NRXN3: variants seen among roughly 807,000 people sequenced by gnomAD.
NRXN3 encodes the protein neurexin III.
A neutral mutation model predicts 137.6 loss-of-function variants in NRXN3; 32 were observed. That is an observed-to-expected ratio of 0.23 (90% CI 0.18 to 0.31). The LOEUF (loss-of-function observed/expected upper bound fraction) is 0.31, where lower values mean the gene tolerates loss of function less well. Ranked by LOEUF, NRXN3 falls within the 10% of genes least tolerant of loss-of-function variation. The pLI is 1.00. For synonymous variants in NRXN3, 798 were observed against 784.5 expected, an observed-to-expected ratio of 1.02 and a Z score of -0.29; for missense variants, 1,574 against 2,062.5, an observed-to-expected ratio of 0.76 and a Z score of 4.59.
intron 8 of NRXN3, among the ~76,000 whole-genome samples, chr14:78,787,457 A>G (rs2098792473): frequency 6.6e-6 from 1 of 152,204 alleles, no homozygotes; most frequent in African/African-American, 2.4e-5. Flanking sequence ...AATCAGCTCA[A>G]TGACGTTGTG....
intron 14 of NRXN3, among the ~76,000 whole-genome samples, chr14:78,973,099 A>T (rs1598086622): frequency 6.6e-6 from 1 of 152,208 alleles, no homozygotes; most frequent in Non-Finnish European, 1.5e-5. Context: ...AAAAATAGCT[A>T]TCAAGAGGAG....
intron 15 of NRXN3, among the ~76,000 whole-genome samples, chr14:79,340,622 C>T (rs1013925227): frequency 5.9e-5 from 9 of 152,190 alleles, no homozygotes; most frequent in South Asian, 2.1e-4. Flanking sequence ...TGCACCACCA[C>T]GCCCGGCTAA....
At chr14:79,072,221 A>G (rs2099688772) in intron 15 of NRXN3, 2 of 152,190 alleles carry the variant, frequency 1.3e-5, no homozygotes, top group African/African-American at 2.4e-5. Context: ...ATGAATGTGT[A>G]TGAAACCGGT....
intron 4 of NRXN3, among the ~76,000 whole-genome samples, chr14:78,543,843 G>A (rs2096614171): frequency 1.3e-5 from 2 of 152,100 alleles, no homozygotes; most frequent in South Asian, 4.1e-4. Flanking sequence ...TCAGGGTAGA[G>A]TAAAACAACA....
chr14:79,013,833 A>C (rs887898454), intron 15 of NRXN3, among the ~76,000 whole-genome samples: 1 of 152,204 alleles, frequency 6.6e-6, no homozygotes, highest in Non-Finnish European at 1.5e-5. Flanking sequence ...TTCATTTATG[A>C]GTTTGTTCAT....
chr14:79,465,622 C>T (rs761615778), intron 15 of NRXN3, among the ~76,000 whole-genome samples: 4 of 152,166 alleles, frequency 2.6e-5, no homozygotes, highest in Non-Finnish European at 4.4e-5. Flanking sequence ...GAATAACTCA[C>T]TTCTTCTTTG....
intron 15 of NRXN3, among the ~76,000 whole-genome samples, chr14:79,046,416 C>T (rs1311599229): frequency 4.6e-5 from 7 of 152,194 alleles, no homozygotes; most frequent in African/African-American, 1.7e-4. Flanking sequence ...ATGCTTGTGG[C>T]TTAAAGATTA....
chr14:79,492,263 T>G (rs187871234), intron 16 of NRXN3, among the ~76,000 whole-genome samples: 2 of 152,322 alleles, frequency 1.3e-5, no homozygotes, highest in African/African-American at 4.8e-5. Flanking sequence ...CATAATTATA[T>G]GTATCAGTAA....
chr14:78,824,023 A>C (rs567054981), intron 10 of NRXN3, among the ~76,000 whole-genome samples: 1 of 151,838 alleles, frequency 6.6e-6, no homozygotes, highest in East Asian at 1.9e-4. Context: ...TGTCACATCA[A>C]TACTGTAAAG....
chr14:78,273,380 C>T lies in NRXN3; in HGVS notation c.710-5265C>T, dbSNP rs2073088465. The stretch of plus-strand genomic sequence containing the variant: ...AACAGTGCCTAGCACATAGACAGCC[C>T]TCAGTCAATGTCAGCTGGTGATTTT... On this transcript the variant is annotated intron_variant, in intron 2 of 20. Coordinates refer to ENST00000335750, the MANE Select transcript of NRXN3 (RefSeq NM_001330195.2). 2.0e-5 allele frequency among the ~76,000 whole-genome samples: 3 copies of T among 152,320 alleles called. No individual in the cohort carries two copies. In the South Asian group the frequency reaches 6.2e-4, roughly 32 times the overall value.
chr14:79,547,057 C>A (rs2097327568), intron 16 of NRXN3, among the ~76,000 whole-genome samples: 1 of 152,156 alleles, frequency 6.6e-6, no homozygotes, highest in Non-Finnish European at 1.5e-5. Context: ...CCCATGTATT[C>A]ATTCATCAGT....
chr14:78,807,511 G>T (rs564313682), intron 9 of NRXN3, among the ~76,000 whole-genome samples: 1 of 151,946 alleles, frequency 6.6e-6, no homozygotes, highest in Non-Finnish European at 1.5e-5. Context: ...TTGGGAGGCC[G>T]AGGCAGCCCA....
At chr14:78,561,253 G>T (rs561350319) in intron 4 of NRXN3, among the ~76,000 whole-genome samples, 2 of 152,096 alleles carry the variant, frequency 1.3e-5, no homozygotes, top group African/African-American at 2.4e-5. Flanking sequence ...GCCAAAGCAG[G>T]TCACATGATC....
chr14:78,442,077 C>G (rs1310283986), intron 4 of NRXN3, among the ~76,000 whole-genome samples: 1 of 142,640 alleles, frequency 7.0e-6, no homozygotes, highest in Non-Finnish European at 1.5e-5. Flanking sequence ...TCCTGCGTGA[C>G]AGAGCGAGAC....
intron 14 of NRXN3, among the ~76,000 whole-genome samples, chr14:78,981,210 G>C (rs775128607): frequency 6.6e-6 from 1 of 152,162 alleles, no homozygotes; most frequent in Non-Finnish European, 1.5e-5. Context: ...CTGTTTAACT[G>C]AATTGAAATG....
intron 15 of NRXN3, among the ~76,000 whole-genome samples, chr14:79,459,088 G>T (rs536999676): frequency 2.0e-5 from 3 of 151,962 alleles, no homozygotes; most frequent in African/African-American, 4.8e-5. Flanking sequence ...ATAATGAAAA[G>T]AATGTAGATT....
chr14:79,284,274 G>C (rs1434545318), intron 15 of NRXN3, among the ~76,000 whole-genome samples: 2 of 145,436 alleles, frequency 1.4e-5, no homozygotes, highest in Non-Finnish European at 3.0e-5. Context: ...GAGGTGGGGG[G>C]ATCACCTGAG....
rs938076542 is a variant in NRXN3, at chr14:78,488,740, AAGG to A, written c.758-156377_758-156375del. On this transcript the variant is annotated intron_variant, in intron 4 of 20. Coordinates refer to ENST00000335750, the MANE Select transcript of NRXN3 (RefSeq NM_001330195.2). Reference sequence around the variant, plus strand: ...GAGAAATAAGGCAAAAGAAGAGAAGAAGGAGAAAGAAAGGAGGAGGAGGATGAA... The same window carrying A: ...GAGAAATAAGGCAAAAGAAGAGAAGAAGAAAGAAAGGAGGAGGAGGATGAA... Among the ~76,000 whole-genome samples the A allele has an allele frequency of 3.3e-5, 5 of 150,446 alleles. 1 individual carries two copies. Among genetic ancestry groups the A allele is most frequent in the Admixed American group, 3.3e-4 (5 of 15,070 alleles).
intron 15 of NRXN3, among the ~76,000 whole-genome samples, chr14:79,007,447 A>G (rs1457498685): frequency 7.1e-6 from 1 of 140,720 alleles, no homozygotes; most frequent in Non-Finnish European, 1.5e-5. Context: ...TGAAAAAAAA[A>G]AGTCATGAAC....
Sources: gnomAD v4.1 joint callset for allele counts (sites outside exome capture counted in the v4.1 genomes callset) on GRCh38, gnomAD v4.1.1 for gene constraint, MANE v1.5 for transcripts, NCBI Gene and HGNC (gene_info 2026-07-23, HGNC 2026-07-21) for gene names.